MCF2L: variants seen among roughly 807,000 people sequenced by gnomAD.
The protein encoded by MCF2L is guanine nucleotide exchange factor DBS.
A neutral mutation model predicts 153.4 loss-of-function variants in MCF2L; 97 were observed. That is an observed-to-expected ratio of 0.63 (90% CI 0.54 to 0.75). The LOEUF (loss-of-function observed/expected upper bound fraction) is 0.75, where lower values mean the gene tolerates loss of function less well. Among genes scored for constraint, MCF2L ranks in the 30% least tolerant of loss-of-function variants. The pLI, the probability that MCF2L is intolerant of heterozygous loss-of-function variation, is 0.00. For synonymous variants in MCF2L, 659 were observed against 632.2 expected (o/e 1.04, Z -0.64); for missense variants, 1,347 against 1,495.2 (o/e 0.90, Z 1.64).
intron 2 of MCF2L, among the ~76,000 whole-genome samples, chr13:112,925,409 C>T (rs1017822171): frequency 1.3e-5 from 2 of 152,200 alleles, no homozygotes; most frequent in African/African-American, 2.4e-5. Flanking sequence ...TACTTCTGTA[C>T]GTGTACGTAT....
Position 112,969,283 on chromosome 13 carries a change from T to G in MCF2L, c.-97T>G. On this transcript the variant is annotated 5_prime_UTR_variant, in exon 1 of 30. Coordinates refer to ENST00000535094, the MANE Select transcript of MCF2L (RefSeq NM_001112732.3). The surrounding 1 kb of genome is among the most constrained non-coding windows in gnomAD (Gnocchi z 4.8). ...GCGCTGCCGTGGCCCCCTCCCCGCC[T>G]CCGCCGCGCCCCCTCCGCACTCGCA... is the stretch of plus-strand genomic sequence containing the variant. The G allele has an allele frequency of 6.7e-7, 1 of 1,502,116 alleles. No homozygotes were observed. 93.0% of individuals were successfully genotyped at this position (1,502,116 alleles called of 1,614,324 possible).
chr13:112,948,968 A>T (rs541937632), intron 2 of MCF2L, among the ~76,000 whole-genome samples: 10 of 152,360 alleles, frequency 6.6e-5, no homozygotes, highest in African/African-American at 2.4e-4. Flanking sequence ...CATGAGGCAC[A>T]GGAGAATTGC....
At chr13:113,002,016 C>T (rs773272786) in intron 1 of MCF2L, 18 of 1,527,220 alleles carry the variant, frequency 1.2e-5, no homozygotes, top group African/African-American at 1.4e-5. Flanking sequence ...CTCGCCTCCC[C>T]GGAAGGTGTT....
rs553396915 is a variant in MCF2L at position 112,962,304 on chromosome 13, C to G, written c.170-52459C>G. Among the ~76,000 whole-genome samples, 3 of 152,328 alleles carry G rather than the reference C, an allele frequency of 2.0e-5. No individual in the cohort carries two copies. The East Asian group carries it at 5.8e-4, about 29-fold the overall frequency. Reference sequence around the variant, plus strand: ...GCTCACACACGCATGTACACACACTCAGGCACATGCACATACACATACACA... The same window carrying G: ...GCTCACACACGCATGTACACACACTGAGGCACATGCACATACACATACACA... On this transcript the variant is annotated intron_variant, in intron 2 of 29. Transcript: ENST00000375608.
rs115241287 is a variant in MCF2L at position 113,046,717 on chromosome 13, C to T, written c.369+1356C>T. On this transcript the variant is annotated intron_variant, in intron 4 of 29. Coordinates refer to ENST00000535094, the MANE Select transcript of MCF2L (RefSeq NM_001112732.3). This position sits in a 1 kb window ranked among gnomAD's most constrained non-coding sequence, Gnocchi z 4.4. ...GATGAGGCATCTCCTTGCACCCCCA[C>T]GGCACCTCTCTGCCCCTCGCCGCGG... 6.0e-3 allele frequency: 3,122 copies of T among 516,402 alleles called. 71 individuals carry two copies. The highest frequency in any genetic ancestry group is 0.053 in the African/African-American group (2,732 of 51,406). The allele number at this position is 516,402 out of a possible 1,614,324, so 32.0% of individuals were successfully genotyped here.
At chr13:113,085,007 A>AGG (rs1337116977) in intron 19 of MCF2L, 23 bp downstream of exon 19, 1 of 1,612,756 alleles carries the variant, frequency 6.2e-7, no homozygotes, top group Non-Finnish European at 8.5e-7. Flanking sequence ...ACCTTCCTTT[A>AGG]GAACGTTACT....
rs573006652 is a variant in MCF2L at position 113,029,296 on chromosome 13, G to A, written c.278+4538G>A. Among the ~76,000 whole-genome samples the A allele has an allele frequency of 2.6e-5, 4 of 152,288 alleles. No individual in the cohort carries two copies. The East Asian group carries it at 5.8e-4, about 22-fold the overall frequency. ...GAGCACGGGGCTGCAGGCGTGCTGT[G>A]GGGACCCCGTGCCTCCAGGGTGTTG... On this transcript the variant is annotated intron_variant, in intron 3 of 29. Coordinates refer to ENST00000535094, the MANE Select transcript of MCF2L (RefSeq NM_001112732.3).
chr13:113,074,412 A>AC lies in MCF2L; in HGVS notation c.997-26dup, dbSNP rs758814709. On this transcript the variant is annotated intron_variant, in intron 9 of 29. Coordinates refer to ENST00000535094, the MANE Select transcript of MCF2L (RefSeq NM_001112732.3). This position sits in a 1 kb window ranked among gnomAD's most constrained non-coding sequence, Gnocchi z 4.2. ...TTCTCTCTGTTCAGGTGAGGGAGAC[A>AC]CCCCCCTGAGATGGGCCCTCCTCTG... 4.3e-5 allele frequency: 69 copies of AC among 1,600,730 alleles called. 1 individual carries two copies. In the South Asian group the frequency reaches 7.0e-4, roughly 16 times the overall value.
At chr13:112,979,761 G>C (rs1228486423) in intron 1 of MCF2L, 7 of 1,610,510 alleles carry the variant, frequency 4.3e-6, no homozygotes, top group Non-Finnish European at 5.9e-6. Context: ...GAGGCCAGGT[G>C]AGATACAATG....
intron 23 of MCF2L, 55 bp from the exon 24 acceptor site, chr13:113,088,272 G>T: frequency 7.2e-7 from 1 of 1,398,246 alleles, no homozygotes; most frequent in Non-Finnish European, 1.0e-6. Context: ...AAACCAAAGC[G>T]TGTTTCCTCG....
At chr13:112,934,151 G>T (rs1200157652) in intron 2 of MCF2L, among the ~76,000 whole-genome samples, 1 of 152,190 alleles carries the variant, frequency 6.6e-6, no homozygotes, top group Non-Finnish European at 1.5e-5. Context: ...CACCTCCCTG[G>T]CAGGGACCCT....
chr13:112,979,243 G>T, intron 1 of MCF2L: 2 of 906,462 alleles, frequency 2.2e-6, no homozygotes, highest in Non-Finnish European at 1.3e-6. Context: ...AGGTGTTTTT[G>T]GCTTGCTCCA....
upstream of MCF2L, chr13:112,969,196 C>CT (rs2081958206): frequency 9.8e-7 from 1 of 1,017,948 alleles, no homozygotes; most frequent in Non-Finnish European, 1.2e-6. This position sits in a 1 kb window ranked among gnomAD's most constrained non-coding sequence, Gnocchi z 4.8. Context: ...GCGCAGCGCG[C>CT]GCCCCCCTCC....
In MCF2L at chr13:113,091,416, A is replaced by G. The variant is rs75806413; in HGVS notation, c.2953+1688A>G. 8.3e-3 allele frequency among the ~76,000 whole-genome samples: 1,270 copies of G among 152,270 alleles called. 150 individuals carry two copies. The East Asian group carries it at 0.23, about 27-fold the overall frequency. ...AACTCCTCACAGCAGGTCTATCTGG[A>G]GCCTGCGGAACTGCCCACCCCGTCG... On this transcript the variant is annotated intron_variant, in intron 26 of 29. Coordinates refer to ENST00000535094, the MANE Select transcript of MCF2L (RefSeq NM_001112732.3).
intron 13 of MCF2L, 57 bp downstream of exon 13, chr13:113,077,268 C>T (rs1045254795): frequency 1.5e-5 from 22 of 1,447,266 alleles, no homozygotes; most frequent in Non-Finnish European, 2.0e-5. Flanking sequence ...GAGCCCCGGG[C>T]GTTGAGAGCT....
At chr13:112,999,660 G>C (rs923529496) in intron 1 of MCF2L, among the ~76,000 whole-genome samples, 1 of 152,158 alleles carries the variant, frequency 6.6e-6, no homozygotes, top group African/African-American at 2.4e-5. Context: ...TGTGGGAGAG[G>C]GGGTGTTTGG....
chr13:113,007,505 G>GA (rs1359395798), intron 1 of MCF2L, among the ~76,000 whole-genome samples: 1 of 152,236 alleles, frequency 6.6e-6, no homozygotes, highest in Non-Finnish European at 1.5e-5. Context: ...CCTGCCAGAA[G>GA]ATCAAATTGC....
rs948172377 is a variant in MCF2L, at chr13:113,077,431, C to T, written c.1660+220C>T. Among the ~76,000 whole-genome samples, 6 of 152,342 alleles carry T rather than the reference C, an allele frequency of 3.9e-5. No individual in the cohort carries two copies. In the East Asian group the frequency reaches 5.8e-4, roughly 15 times the overall value. On this transcript the variant is annotated intron_variant, in intron 13 of 29. Coordinates refer to ENST00000535094, the MANE Select transcript of MCF2L (RefSeq NM_001112732.3). ...TTTGTCAGGACCCGGCCACGCCCAT[C>T]CTGTGCCACGCACATCTTGTAGGCA...
At chr13:112,921,808 G>A (rs897599511) in intron 2 of MCF2L, among the ~76,000 whole-genome samples, 5 of 152,184 alleles carry the variant, frequency 3.3e-5, no homozygotes, top group African/African-American at 1.2e-4. Context: ...CTAAAGTGGA[G>A]AGTTCCTAAA....
Sources: gnomAD v4.1 joint callset for allele counts (sites outside exome capture counted in the v4.1 genomes callset) on GRCh38, gnomAD v4.1.1 for gene constraint, Gnocchi (gnomAD v3.1) non-coding constraint, MANE v1.5 for transcripts, NCBI Gene and HGNC (gene_info 2026-07-23, HGNC 2026-07-21) for gene names.